VASH2: variants seen among roughly 807,000 people sequenced by gnomAD.
VASH2 encodes the protein tubulinyl-Tyr carboxypeptidase 2.
VASH2 carries 28 observed loss-of-function variants against 37.2 expected under a neutral mutation model. The observed-to-expected ratio is 0.75, with a 90% confidence interval of 0.56 to 1.03. The LOEUF is 1.03. Among genes scored for constraint, VASH2 ranks in the 50% least tolerant of loss-of-function variants. The probability of loss-of-function intolerance (pLI) is 0.00; values close to 1 mark genes in which losing one functional copy is unlikely to be tolerated. For missense variants in VASH2, 419 were observed against 459.1 expected (o/e 0.91, Z 0.80); for synonymous variants, 188 against 174.7 (o/e 1.08, Z -0.60).
chr1:212,972,706 C>T lies in VASH2; in HGVS notation c.624C>T (p.Gly208=), dbSNP rs1212086212. ...GCAATGGCCGCTATGGCTCATTGGG[C>T]ATGAGCCGCAGGGCTGAGCTGATGG... ...IYCNGRYGSL[G]MSRRAELMDK... Residue 208 remains glycine (G), a synonymous_variant, in exon 6 of 8, where the codon GGC becomes GGT. Transcript: ENST00000517399. 1 of 1,614,084 alleles carries T rather than the reference C, an allele frequency of 6.2e-7. No homozygotes were observed. Among genetic ancestry groups the T allele is most frequent in the Non-Finnish European group, 8.5e-7 (1 of 1,180,054 alleles).
At position 212,974,005 on chromosome 1, in the gene VASH2, A is replaced by T. The variant is rs1366567513; in HGVS notation, c.930A>T (p.Gly310=). The change falls in exon 7 of 8, where the codon GGA becomes GGT. Residue 310 remains glycine, a synonymous_variant. Coordinates refer to ENST00000517399, the MANE Select transcript of VASH2 (RefSeq NM_001301056.2). ...CTCCGACCCAAGTGAGAAGCCGGGG[A>T]AAATCCCTGTCCCCCAGAAGGAGAC... ...AHSPTQVRSR[G]KSLSPRRRQA... is the part of the protein sequence containing the mutation. The T allele has an allele frequency of 1.9e-6, 3 of 1,613,906 alleles. No individual in the cohort carries two copies. The South Asian group carries it at 3.3e-5, about 18-fold the overall frequency.
At chr1:212,979,773 A>T (rs1392093190) in intron 7 of VASH2, among the ~76,000 whole-genome samples, 4 of 152,130 alleles carry the variant, frequency 2.6e-5, no homozygotes, top group African/African-American at 9.7e-5. Flanking sequence ...CCTTTCTCAC[A>T]CTGCTCCTCT....
chr1:212,962,097 G>A (rs932181829), intron 3 of VASH2, among the ~76,000 whole-genome samples: 15 of 152,296 alleles, frequency 9.8e-5, no homozygotes, highest in East Asian at 1.9e-4. Context: ...CCTCTCCCCC[G>A]ACTCGAGCTT....
Position 212,972,863 on chromosome 1 carries a change from C to G in VASH2, c.781C>G (p.Pro261Ala). The G allele has an allele frequency of 6.2e-7, 1 of 1,614,166 alleles. No homozygotes were observed. Among genetic ancestry groups the G allele is most frequent in the Non-Finnish European group, 8.5e-7 (1 of 1,180,032 alleles). Residue 261 changes from proline (P) to alanine (A), a missense_variant, in exon 6 of 8, where the codon CCC (proline) becomes GCC (alanine). By Grantham distance (27) the Pro-to-Ala change is conservative (BLOSUM62 -1). Transcript: ENST00000517399. ...YVPHEPHSFQ[P>A]IEWKQLVLNV... ...CCCCCATGAGCCTCATAGCTTCCAG[C>G]CCATTGAGTGGAAGCAGCTGGTCCT...
At chr1:212,983,474 C>T (rs184868961) in intron 7 of VASH2, among the ~76,000 whole-genome samples, 102 of 152,302 alleles carry the variant, frequency 6.7e-4, no homozygotes, top group African/African-American at 2.4e-3. Context: ...TATAAGAACC[C>T]ACTTTTGAGA....
At chr1:212,961,122 A>G (rs754375883) in intron 2 of VASH2, 44 bp from the exon 3 acceptor site, 6 of 1,595,886 alleles carry the variant, frequency 3.8e-6, no homozygotes, top group Non-Finnish European at 5.2e-6. Flanking sequence ...TGGGCCCCAG[A>G]GCGCCTCCTT....
At chr1:212,962,015 G>A (rs1666695629) in intron 3 of VASH2, among the ~76,000 whole-genome samples, 1 of 152,154 alleles carries the variant, frequency 6.6e-6, no homozygotes, top group Non-Finnish European at 1.5e-5. Flanking sequence ...TGCTGCCTTT[G>A]TCTCCCCAGG....
Position 212,972,601 on chromosome 1 carries a change from T to A in VASH2, c.519T>A (p.Pro173=), listed in dbSNP as rs1260760980. The change falls in exon 6 of 8, where the codon CCT becomes CCA. Residue 173 remains proline, a synonymous_variant. Coordinates refer to ENST00000517399, the MANE Select transcript of VASH2 (RefSeq NM_001301056.2). ...TAAGCTACTTAACCAATGGGCAGCC[T>A]TCCATTGAGCGGTTCCCCATCAGCT... ...ILGIYLTNGQ[P]SIERFPISFK... The A allele has an allele frequency of 3.7e-6, 6 of 1,613,918 alleles. No homozygotes were observed. The highest frequency in any genetic ancestry group is 5.1e-6 in the Non-Finnish European group (6 of 1,179,992).
intron 6 of VASH2, chr1:212,973,454 A>G (rs1251172983): frequency 7.7e-7 from 1 of 1,290,988 alleles, no homozygotes; most frequent in South Asian, 1.2e-5. Flanking sequence ...GAAAAGGATT[A>G]TGCTGACTTC....
chr1:212,966,482 GT>G, intron 5 of VASH2, 137 bp downstream of exon 5: 1 of 723,448 alleles, frequency 1.4e-6, no homozygotes, highest in South Asian at 1.7e-5. Context: ...AACTCCTCTG[GT>G]TCATCTCTTT....
chr1:212,967,129 CA>C (rs919703228), intron 5 of VASH2: 9 of 1,304,406 alleles, frequency 6.9e-6, no homozygotes, highest in African/African-American at 1.5e-5. Context: ...ACAGCTAAAA[CA>C]AGGGTCTAGC....
At chr1:212,988,286 T>C (rs1667538949) in intron 7 of VASH2, among the ~76,000 whole-genome samples, 1 of 152,226 alleles carries the variant, frequency 6.6e-6, no homozygotes, top group African/African-American at 2.4e-5. Context: ...TGAAAACTTT[T>C]CTGAACTCTA....
chr1:212,965,398 A>T (rs571139451), intron 3 of VASH2, among the ~76,000 whole-genome samples: 26 of 152,272 alleles, frequency 1.7e-4, no homozygotes, highest in African/African-American at 2.9e-4. Context: ...TTGTTTTTTT[A>T]AAAAAAGAAT....
Position 212,966,362 on chromosome 1 carries a change from G to T in VASH2, c.497+17G>T, listed in dbSNP as rs1379417328. ...CCTGGGCATGTATCCTTTAAGTTATGTATGCTTAGTTTACTCCATAAATGG... is the reference window on the plus strand; with the variant it reads ...CCTGGGCATGTATCCTTTAAGTTATTTATGCTTAGTTTACTCCATAAATGG... On this transcript the variant is annotated intron_variant, in intron 5 of 7. Transcript: ENST00000517399. 1.9e-6 allele frequency: 3 copies of T among 1,549,266 alleles called. No homozygotes were observed. The African/African-American group carries it at 4.1e-5, about 21-fold the overall frequency.
In VASH2 at chr1:212,971,498, T is replaced by A. The variant is rs888620383; in HGVS notation, c.498-1082T>A. Reference sequence around the variant, plus strand: ...GCACAGCAGACACTCAGGGTAAGTGTTTGTCACACTGACTTAAGCAGCTAA... The same window carrying A: ...GCACAGCAGACACTCAGGGTAAGTGATTGTCACACTGACTTAAGCAGCTAA... On this transcript the variant is annotated intron_variant, in intron 5 of 7. Coordinates refer to ENST00000517399, the MANE Select transcript of VASH2 (RefSeq NM_001301056.2). The surrounding 1 kb of genome is among the most constrained non-coding windows in gnomAD (Gnocchi z 4.0). Among the ~76,000 whole-genome samples, 6 of 151,094 alleles carry A rather than the reference T, an allele frequency of 4.0e-5. No homozygotes were observed. Among genetic ancestry groups the A allele is most frequent in the Admixed American group, 3.9e-4 (6 of 15,216 alleles).
Position 212,960,581 on chromosome 1 carries a change from G to T in VASH2, c.277-585G>T, listed in dbSNP as rs1666643459. ...TTATCTATTTGAATTTTAGAGATGG[G>T]GTTTCACCATGTTGCCCAGGCTGGT... On this transcript the variant is annotated intron_variant, in intron 2 of 7. Transcript: ENST00000517399. Among the ~76,000 whole-genome samples the T allele has an allele frequency of 2.6e-5, 4 of 152,180 alleles. No homozygotes were observed. The South Asian group carries it at 8.3e-4, about 32-fold the overall frequency.
chr1:212,980,078 G>A (rs1667298213), intron 7 of VASH2, among the ~76,000 whole-genome samples: 1 of 152,192 alleles, frequency 6.6e-6, no homozygotes, highest in Admixed American at 6.5e-5. Context: ...CCGGGGGCCT[G>A]AGATGGTAAA....
At chr1:212,988,310 T>C (rs570232491) in intron 7 of VASH2, among the ~76,000 whole-genome samples, 1 of 152,308 alleles carries the variant, frequency 6.6e-6, no homozygotes, top group East Asian at 1.9e-4. Context: ...TGAAAGTCTG[T>C]TAAAATGTTC....
intron 3 of VASH2, chr1:212,961,476 C>G: frequency 1.2e-6 from 1 of 857,810 alleles, no homozygotes; most frequent in East Asian, 3.0e-5. Flanking sequence ...AGCCCTTCTG[C>G]TTCTCTTTCT....
Sources: gnomAD v4.1 joint callset for allele counts (sites outside exome capture counted in the v4.1 genomes callset) on GRCh38, gnomAD v4.1.1 for gene constraint, Gnocchi (gnomAD v3.1) non-coding constraint, MANE v1.5 for transcripts, NCBI Gene and HGNC (gene_info 2026-07-23, HGNC 2026-07-21) for gene names.